The following NBEAL1 variants were observed in gnomAD, a reference collection of about 807,000 sequenced individuals.
NBEAL1 encodes the protein neurobeachin like 1, also known as neurobeachin-like protein 1.
In NBEAL1, 273 loss-of-function variants were observed where a neutral mutation model predicts 351.3. The observed-to-expected ratio is 0.78, with a 90% CI of 0.70 to 0.86. The LOEUF is 0.86. Ranked by LOEUF, NBEAL1 falls within the 40% of genes least tolerant of loss-of-function variation. NBEAL1 has a pLI of 0.00. For synonymous variants in NBEAL1, 1,050 were observed against 1,086.4 expected (o/e 0.97, Z 0.66); for missense variants, 2,961 against 3,201.3 (o/e 0.92, Z 1.81).
intron 3 of NBEAL1, among the ~76,000 whole-genome samples, chr2:203,044,743 A>T (rs531037607): frequency 3.3e-4 from 51 of 152,348 alleles, no homozygotes; most frequent in African/African-American, 1.2e-3. Context: ...TAGTCAAATC[A>T]CCTTGAAGAT....
chr2:203,020,052 GATA>G (rs1019751020), intron 2 of NBEAL1, among the ~76,000 whole-genome samples: 14 of 151,970 alleles, frequency 9.2e-5, no homozygotes, highest in South Asian at 4.2e-4. Flanking sequence ...AATTTTAATT[GATA>G]ATAATTTATG....
intron 2 of NBEAL1, among the ~76,000 whole-genome samples, chr2:203,035,449 ATATT>A (rs2061027484): frequency 6.7e-6 from 1 of 149,606 alleles, no homozygotes. Flanking sequence ...GATTGGATGA[ATATT>A]TAAGTACAGA....
chr2:203,221,052 G>A lies in NBEAL1; in HGVS notation c.*3698G>A, dbSNP rs1041072923. Among the ~76,000 whole-genome samples, 5 of 152,060 alleles carry A rather than the reference G, an allele frequency of 3.3e-5. No homozygotes were observed. The highest frequency in any genetic ancestry group is 1.2e-4 in the African/African-American group (5 of 41,404). Reference sequence around the variant, plus strand: ...TATTGAAAATCAAGTTTATGCTTCTGAAAAGAATAAGTGGGCTCTCAGAAT... The same window carrying A: ...TATTGAAAATCAAGTTTATGCTTCTAAAAAGAATAAGTGGGCTCTCAGAAT... On this transcript the variant is annotated 3_prime_UTR_variant, in exon 56 of 56. Transcript: ENST00000683969.
Position 203,136,666 on chromosome 2 carries a change from A to G in NBEAL1, c.4457A>G (p.Glu1486Gly). ...AATTATGTAATGTGTAAGGGACTAG[A>G]AAAGTCTGATGATGATACTTGGATT... ...ILNYVMCKGL[E>G]KSDDDTWIER... The change falls in exon 29 of 56, where the codon GAA becomes GGA. Residue 1486 changes from glutamate (E) to glycine (G), a missense_variant. Physicochemically the swap from Glu to Gly is moderately conservative, Grantham distance 98. Transcript: ENST00000683969. The G allele has an allele frequency of 6.2e-7, 1 of 1,613,666 alleles. No individual in the cohort carries two copies. Among genetic ancestry groups the G allele is most frequent in the South Asian group, 1.1e-5 (1 of 91,068 alleles).
At chr2:203,138,971 AT>A (rs1435761212) in intron 31 of NBEAL1, among the ~76,000 whole-genome samples, 1 of 152,154 alleles carries the variant, frequency 6.6e-6, no homozygotes, top group Non-Finnish European at 1.5e-5. Context: ...CTTTTACAGG[AT>A]TTATACATAG....
At chr2:203,120,644 C>G (rs568094083) in intron 18 of NBEAL1, among the ~76,000 whole-genome samples, 1 of 152,222 alleles carries the variant, frequency 6.6e-6, no homozygotes, top group African/African-American at 2.4e-5. Context: ...AGCAAACCTC[C>G]TATGTCAGAG....
chr2:203,208,691 A>G lies in NBEAL1; in HGVS notation c.7561A>G (p.Thr2521Ala), dbSNP rs140112414. The change falls in exon 52 of 56, where the codon ACC (threonine) becomes GCC (alanine). Residue 2521 changes from threonine to alanine, a missense_variant. Transcript: ENST00000683969. Reference sequence around the variant, plus strand: ...ACCTTTTCAGATTCTTTATGGACACACCAACGAGGTACTGAGTGTCGGCAT... The same window carrying G: ...ACCTTTTCAGATTCTTTATGGACACGCCAACGAGGTACTGAGTGTCGGCAT... ...SKPFQILYGH[T>A]NEVLSVGIST... The G allele has an allele frequency of 0.05, 80,508 of 1,612,324 alleles. 2,345 individuals carry two copies. Among genetic ancestry groups the G allele is most frequent in the Non-Finnish European group, 0.057 (67,072 of 1,179,326 alleles).
chr2:203,096,777 A>G (rs896784607), intron 10 of NBEAL1, among the ~76,000 whole-genome samples: 1 of 152,234 alleles, frequency 6.6e-6, no homozygotes, highest in Non-Finnish European at 1.5e-5. Flanking sequence ...ATCCATTAGC[A>G]TATTTGAGAC....
chr2:203,129,768 G>T (rs2063031091), intron 24 of NBEAL1, among the ~76,000 whole-genome samples: 1 of 152,182 alleles, frequency 6.6e-6, no homozygotes, highest in Non-Finnish European at 1.5e-5. Context: ...ATGTTGCAAA[G>T]ACCAGGAAAG....
Position 203,110,767 on chromosome 2 carries a change from C to CTTT in NBEAL1, c.2082+500_2082+502dup, listed in dbSNP as rs71034215. On this transcript the variant is annotated intron_variant, in intron 15 of 55. Coordinates refer to ENST00000683969, the MANE Select transcript of NBEAL1 (RefSeq NM_001378026.1). Reference sequence around the variant, plus strand: ...TTTCTATAAGTAAATTTTCTTTTTTCTTTTTTTTTTTTTTTTTGAGATAGA... The same window carrying CTTT: ...TTTCTATAAGTAAATTTTCTTTTTTCTTTTTTTTTTTTTTTTTTTTGAGATAGA... Among the ~76,000 whole-genome samples, 133 of 106,710 alleles carry CTTT rather than the reference C, an allele frequency of 1.2e-3. 12 individuals are homozygous for CTTT. The highest frequency in any genetic ancestry group is 2.3e-3 in the African/African-American group (63 of 27,302). 70.0% of individuals were successfully genotyped at this position (106,710 alleles called of 152,430 possible).
intron 55 of NBEAL1, among the ~76,000 whole-genome samples, chr2:203,215,972 C>G (rs985685602): frequency 6.2e-5 from 9 of 145,340 alleles, no homozygotes; most frequent in African/African-American, 2.3e-4. Flanking sequence ...GGTTGCACCA[C>G]TGCACTACAG....
Position 203,062,539 on chromosome 2 carries a change from GCCC to G in NBEAL1, c.515+5087_515+5089del. On this transcript the variant is annotated intron_variant, in intron 6 of 55. Transcript: ENST00000683969. This position sits in a 1 kb window ranked among gnomAD's most constrained non-coding sequence, Gnocchi z 4.2. ...AGAGGGAGCCCAAGCTAGGAGCGCA[GCCC>G]AGAGACCCAAAAAGAAGAAAATTTT... 4.6e-6 allele frequency: 1 copy of G among 216,446 alleles called. No individual in the cohort carries two copies. The highest frequency in any genetic ancestry group is 9.4e-6 in the Non-Finnish European group (1 of 106,158). 13.4% of individuals were successfully genotyped at this position (216,446 alleles called of 1,614,324 possible).
intron 44 of NBEAL1, among the ~76,000 whole-genome samples, chr2:203,188,033 G>C (rs781082893): frequency 9.2e-5 from 14 of 152,132 alleles, no homozygotes; most frequent in Non-Finnish European, 1.8e-4. Flanking sequence ...TTGTGAGGGA[G>C]AGAATGATTT....
intron 31 of NBEAL1, among the ~76,000 whole-genome samples, chr2:203,139,975 A>G (rs947684013): frequency 6.6e-6 from 1 of 152,178 alleles, no homozygotes; most frequent in East Asian, 1.9e-4. Flanking sequence ...TTTATTTTTC[A>G]TTGTAAAAGT....
At chr2:203,044,349 A>G (rs1313060480) in intron 3 of NBEAL1, among the ~76,000 whole-genome samples, 2 of 152,150 alleles carry the variant, frequency 1.3e-5, no homozygotes, top group African/African-American at 4.8e-5. Context: ...TTGTGCTTAG[A>G]AGGACTTCTG....
chr2:203,022,384 TTTTTA>T (rs914992508), intron 2 of NBEAL1, among the ~76,000 whole-genome samples: 8 of 152,078 alleles, frequency 5.3e-5, no homozygotes, highest in Non-Finnish European at 7.4e-5. Context: ...TTTAAAAAAT[TTTTTA>T]TTTTATTTTA....
chr2:203,023,338 A>G (rs760528002), intron 2 of NBEAL1, among the ~76,000 whole-genome samples: 1 of 152,232 alleles, frequency 6.6e-6, no homozygotes, highest in Non-Finnish European at 1.5e-5. Flanking sequence ...TCTAAAGAAA[A>G]GAAAACAAAA....
Position 203,217,754 on chromosome 2 carries a change from T to C in NBEAL1, c.*400T>C. The C allele has an allele frequency of 1.0e-6, 1 of 974,514 alleles. No homozygotes were observed. The allele number at this position is 974,514 out of a possible 1,614,324, so 60.4% of individuals were successfully genotyped here. Reference sequence around the variant, plus strand: ...TTTTCCTATTTACTGACCACTGTAATGAAAATATATCAATTTATTTATGGA... The same window carrying C: ...TTTTCCTATTTACTGACCACTGTAACGAAAATATATCAATTTATTTATGGA... On this transcript the variant is annotated 3_prime_UTR_variant, in exon 56 of 56. Transcript: ENST00000683969.
chr2:203,196,838 A>C (rs962661600), intron 47 of NBEAL1, among the ~76,000 whole-genome samples: 232 of 152,296 alleles, frequency 1.5e-3, no homozygotes, highest in African/African-American at 5.4e-3. Context: ...TTCTGGTCCT[A>C]CTGTGGCTTT....
Sources: allele counts gnomAD v4.1 joint callset (sites outside exome capture counted in the v4.1 genomes callset), GRCh38; gene constraint gnomAD v4.1.1; non-coding constraint Gnocchi (gnomAD v3.1); transcripts MANE v1.5; gene names NCBI Gene and HGNC (gene_info 2026-07-23, HGNC 2026-07-21).